SNAP23: variants seen among roughly 807,000 people sequenced by gnomAD.
SNAP23 encodes synaptosome associated protein 23, also known as synaptosomal-associated protein 23.
Under a neutral mutation model 29.0 loss-of-function variants are expected in SNAP23, and 11 were observed. The ratio of observed to expected loss-of-function variants is 0.38; its 90% CI spans 0.24 to 0.63. SNAP23 has a LOEUF of 0.63. Among genes scored for constraint, SNAP23 ranks in the 20% least tolerant of loss-of-function variants. The pLI, the probability that SNAP23 is intolerant of heterozygous loss-of-function variation, is 0.58. For missense variants in SNAP23, 220 were observed against 253.9 expected, an observed-to-expected ratio of 0.87 and a Z score of 0.91; for synonymous variants, 60 against 82.9, an observed-to-expected ratio of 0.72 and a Z score of 1.50.
chr15:42,530,540 G>A (rs960075316), intron 7 of SNAP23, among the ~76,000 whole-genome samples: 48 of 152,258 alleles, frequency 3.2e-4, no homozygotes, highest in African/African-American at 1.1e-3. Context: ...CAGGAGGATT[G>A]CTTGAGCTCA....
intron 1 of SNAP23, among the ~76,000 whole-genome samples, chr15:42,503,206 T>G (rs2057289333): frequency 6.6e-6 from 1 of 152,128 alleles, no homozygotes; most frequent in African/African-American, 2.4e-5. Context: ...TTTTGTTTTT[T>G]CGTGTTGTTT....
At chr15:42,508,507 A>G (rs1223283123) in intron 1 of SNAP23, among the ~76,000 whole-genome samples, 3 of 152,118 alleles carry the variant, frequency 2.0e-5, no homozygotes, top group Admixed American at 6.6e-5. Context: ...TTGGGAGTAG[A>G]TATCTGTTAC....
intron 1 of SNAP23, among the ~76,000 whole-genome samples, chr15:42,496,500 T>A (rs1352981366): frequency 6.6e-6 from 1 of 152,106 alleles, no homozygotes; most frequent in African/African-American, 2.4e-5. Flanking sequence ...GAGGATCATA[T>A]GAGATCAGGA....
At chr15:42,524,797 AT>A (rs1267628517) in intron 5 of SNAP23, among the ~76,000 whole-genome samples, 1 of 152,174 alleles carries the variant, frequency 6.6e-6, no homozygotes, top group Non-Finnish European at 1.5e-5. Context: ...ATTTGTGAAC[AT>A]TTTTTATTTT....
At chr15:42,506,035 T>C (rs1019540218) in intron 1 of SNAP23, among the ~76,000 whole-genome samples, 19 of 150,702 alleles carry the variant, frequency 1.3e-4, no homozygotes, top group Non-Finnish European at 2.7e-4. Context: ...AACCACTCCC[T>C]CCCGGGTTCA....
chr15:42,497,444 G>C (rs556973369), intron 1 of SNAP23, among the ~76,000 whole-genome samples: 1 of 151,600 alleles, frequency 6.6e-6, no homozygotes, highest in Non-Finnish European at 1.5e-5. Context: ...CCTGACCTCA[G>C]GTTATCCACC....
upstream of SNAP23, among the ~76,000 whole-genome samples, chr15:42,492,186 C>G (rs2057172557): frequency 6.6e-6 from 1 of 152,064 alleles, no homozygotes; most frequent in African/African-American, 2.4e-5. Flanking sequence ...GCTGGTATTA[C>G]AGGTGTGAGC....
At chr15:42,515,401 C>T (rs1311401743) in intron 5 of SNAP23, 47 bp downstream of exon 5, 1 of 1,040,448 alleles carries the variant, frequency 9.6e-7, no homozygotes, top group Non-Finnish European at 1.5e-6. Flanking sequence ...ATGAGAGTAC[C>T]CCACCTTCTC....
chr15:42,494,144 T>C (rs1015101455), upstream of SNAP23, among the ~76,000 whole-genome samples: 5 of 152,120 alleles, frequency 3.3e-5, no homozygotes, highest in African/African-American at 1.2e-4. Context: ...ACAAAAAATC[T>C]TGATCCTTCA....
chr15:42,510,845 GCCT>G (rs2057353596), intron 1 of SNAP23, among the ~76,000 whole-genome samples: 1 of 152,032 alleles, frequency 6.6e-6, no homozygotes, highest in African/African-American at 2.4e-5. Context: ...CAGTTTCCCT[GCCT>G]CTACCTACTA....
At position 42,520,621 on chromosome 15, in the gene SNAP23, G is replaced by A. The variant is rs550729100; in HGVS notation, c.266+5267G>A. Among the ~76,000 whole-genome samples the A allele has an allele frequency of 3.6e-3, 553 of 151,818 alleles. 5 individuals carry two copies. The highest frequency in any genetic ancestry group is 0.013 in the African/African-American group (534 of 41,402). ...GCCATTCTCCTGCCTCAGCCTCTCG[G>A]GTAGCTGGGACTACAGGCGCCCGCC... is the stretch of plus-strand genomic sequence containing the variant. On this transcript the variant is annotated intron_variant, in intron 5 of 7. Coordinates refer to ENST00000249647, the MANE Select transcript of SNAP23 (RefSeq NM_003825.4).
intron 5 of SNAP23, 104 bp downstream of exon 5, chr15:42,515,458 A>T: frequency 1.5e-6 from 1 of 675,292 alleles, no homozygotes; most frequent in South Asian, 1.9e-5. Flanking sequence ...GAGGAACTCT[A>T]TTAGATAAAT....
At chr15:42,519,306 C>T (rs564697406) in intron 5 of SNAP23, among the ~76,000 whole-genome samples, 11 of 151,612 alleles carry the variant, frequency 7.3e-5, no homozygotes, top group South Asian at 2.1e-4. Flanking sequence ...CCGCCTGCCT[C>T]GGCCTCCCAA....
intron 5 of SNAP23, among the ~76,000 whole-genome samples, chr15:42,527,115 G>A (rs373273225): frequency 1.2e-4 from 18 of 152,266 alleles, no homozygotes; most frequent in African/African-American, 4.1e-4. Context: ...TGGGATTACC[G>A]GTGTGAGCTA....
intron 1 of SNAP23, among the ~76,000 whole-genome samples, chr15:42,498,666 T>G (rs1213511858): frequency 6.6e-6 from 1 of 152,364 alleles, no homozygotes; most frequent in African/African-American, 2.4e-5. Context: ...TTAACGCAAA[T>G]TTCTACAGCT....
At chr15:42,504,820 AT>A (rs1258060118) in intron 1 of SNAP23, among the ~76,000 whole-genome samples, 1 of 152,236 alleles carries the variant, frequency 6.6e-6, no homozygotes, top group Non-Finnish European at 1.5e-5. Flanking sequence ...CCACTATGCT[AT>A]CCTGCTATAA....
chr15:42,524,024 G>C (rs1595528492), intron 5 of SNAP23, among the ~76,000 whole-genome samples: 1 of 151,672 alleles, frequency 6.6e-6, no homozygotes, highest in East Asian at 1.9e-4. Context: ...CACCATCTTG[G>C]CCAGGCTGGT....
chr15:42,498,161 G>A (rs921957610), intron 1 of SNAP23, among the ~76,000 whole-genome samples: 1 of 152,170 alleles, frequency 6.6e-6, no homozygotes, highest in African/African-American at 2.4e-5. Context: ...TCTGGAGTCT[G>A]GAGAATGGTG....
At chr15:42,504,096 G>A (rs552869550) in intron 1 of SNAP23, among the ~76,000 whole-genome samples, 39 of 151,882 alleles carry the variant, frequency 2.6e-4, no homozygotes, top group Admixed American at 3.9e-4. Context: ...TTGGGAGGCT[G>A]AGCCAGGAGC....
Sources: allele counts gnomAD v4.1 joint callset (sites outside exome capture counted in the v4.1 genomes callset), GRCh38; gene constraint gnomAD v4.1.1; transcripts MANE v1.5; gene names NCBI Gene and HGNC (gene_info 2026-07-23, HGNC 2026-07-21).